The following NAP1L1 variants were observed in gnomAD, a reference collection of about 807,000 sequenced individuals.
NAP1L1 encodes the protein nucleosome assembly protein 1-like 1.
Under a neutral mutation model 58.9 loss-of-function variants are expected in NAP1L1, and 9 were observed. The observed-to-expected ratio is 0.15, with a 90% confidence interval of 0.09 to 0.27. The LOEUF (loss-of-function observed/expected upper bound fraction) is 0.27. Ranked by LOEUF, NAP1L1 falls within the 10% of genes least tolerant of loss-of-function variation. NAP1L1 has a pLI of 1.00. For missense variants in NAP1L1, 302 were observed against 458.8 expected (o/e 0.66, Z 3.12); for synonymous variants, 130 against 138.3 (o/e 0.94, Z 0.42).
At chr12:76,079,268 A>G (rs1043647077) in intron 1 of NAP1L1, among the ~76,000 whole-genome samples, 2 of 152,144 alleles carry the variant, frequency 1.3e-5, no homozygotes, top group Non-Finnish European at 2.9e-5. Context: ...GCTCACGTCT[A>G]TAGTCTCAGC....
At chr12:76,072,745 A>G (rs1950014414) in intron 2 of NAP1L1, among the ~76,000 whole-genome samples, 1 of 152,206 alleles carries the variant, frequency 6.6e-6, no homozygotes. Context: ...CAACACAGCA[A>G]CACTGGAAGC....
chr12:76,084,379 C>T lies in NAP1L1; in HGVS notation c.-21+188G>A, dbSNP rs571988808. Among the ~76,000 whole-genome samples the T allele has an allele frequency of 1.4e-4, 21 of 152,230 alleles. No homozygotes were observed. The South Asian group carries it at 3.1e-3, about 23-fold the overall frequency. On this transcript the variant is annotated intron_variant, in intron 1 of 14. Coordinates refer to ENST00000618691, the MANE Select transcript of NAP1L1 (RefSeq NM_004537.7). ...TAAAAGCGCTGGTCGGCCCCGGGGC[C>T]CCTCTCAGGCTCCGGGGTCCGGACT...
At chr12:76,059,959 T>G in intron 5 of NAP1L1, 81 bp from the exon 6 acceptor site, 1 of 1,292,108 alleles carries the variant, frequency 7.7e-7, no homozygotes, top group Middle Eastern at 2.4e-4. Context: ...TAAGAAGTCT[T>G]ACAAATTTAA....
intron 4 of NAP1L1, among the ~76,000 whole-genome samples, chr12:76,063,519 C>T (rs1041275529): frequency 7.9e-5 from 12 of 152,150 alleles, no homozygotes; most frequent in African/African-American, 2.9e-4. Flanking sequence ...ACATTGAGGC[C>T]GAGTGTGGTG....
chr12:76,056,775 A>G, intron 6 of NAP1L1: 1 of 380,934 alleles, frequency 2.6e-6, no homozygotes, highest in Non-Finnish European at 5.2e-6. Context: ...CACTTTGGGA[A>G]GTGAGGTGGG....
chr12:76,057,436 G>C (rs1406760598), intron 6 of NAP1L1: 4 of 578,512 alleles, frequency 6.9e-6, no homozygotes, highest in Non-Finnish European at 1.2e-5. Context: ...TGATGCTCTA[G>C]GGAGGCCCTG....
intron 2 of NAP1L1, chr12:76,073,873 T>A (rs2137083124): frequency 4.5e-6 from 1 of 223,488 alleles, no homozygotes; most frequent in African/African-American, 2.3e-5. Context: ...TTTGGTACAT[T>A]ACAATGCAAG....
intron 1 of NAP1L1, among the ~76,000 whole-genome samples, chr12:76,079,930 G>A (rs1013466590): frequency 6.6e-6 from 1 of 152,130 alleles, no homozygotes; most frequent in Non-Finnish European, 1.5e-5. Flanking sequence ...CTGGGCTCCC[G>A]CCTTGGCCTC....
Position 76,053,188 on chromosome 12 carries a change from G to A in NAP1L1, c.916+17C>T, listed in dbSNP as rs200780221. The A allele has an allele frequency of 2.5e-4, 399 of 1,613,002 alleles. 2 individuals carry two copies. The highest frequency in any genetic ancestry group is 1.7e-3 in the Admixed American group (100 of 59,876). On this transcript the variant is annotated intron_variant, in intron 10 of 14. Transcript: ENST00000618691. Reference sequence around the variant, plus strand: ...TTATAAAACAACCGTTAATACTCAAGCTAAAACATTATTTACCTTCAGGAG... The same window carrying A: ...TTATAAAACAACCGTTAATACTCAAACTAAAACATTATTTACCTTCAGGAG...
In NAP1L1 at chr12:76,049,387, T is replaced by C. The variant is rs1033181429; in HGVS notation, c.1090-137A>G. The C allele has an allele frequency of 5.8e-6, 9 of 1,545,856 alleles. No homozygotes were observed. In the South Asian group the frequency reaches 9.4e-5, roughly 16 times the overall value. ...ATTACAGACTTTGATGATAATACAA[T>C]TTAATTTGAAAGCTTCTAATATGAA... On this transcript the variant is annotated intron_variant, in intron 13 of 14. Transcript: ENST00000618691.
At position 76,068,963 on chromosome 12, in the gene NAP1L1, C is replaced by G. The variant is rs1235021865; in HGVS notation, c.49G>C (p.Asp17His). Residue 17 changes from aspartate to histidine, a missense_variant, in exon 3 of 15, where the codon GAT (aspartate) becomes CAT (histidine). Asp to His is a moderately conservative substitution (Grantham distance 81). Coordinates refer to ENST00000618691, the MANE Select transcript of NAP1L1 (RefSeq NM_004537.7). The stretch of plus-strand genomic sequence containing the variant: ...TCTTCTTCTACTTCTTCAACATCAT[C>G]CAAATCTTGATCAAGTTCAGACTGT... ...KEQSELDQDL[D>H]DVEEVEEEET... is the part of the protein sequence containing the mutation. The G allele has an allele frequency of 6.2e-7, 1 of 1,613,074 alleles. No individual in the cohort carries two copies. The highest frequency in any genetic ancestry group is 1.3e-5 in the African/African-American group (1 of 74,848).
At chr12:76,084,368 G>C (rs924173372) in intron 1 of NAP1L1, among the ~76,000 whole-genome samples, 199 bp downstream of exon 1, 1 of 152,122 alleles carries the variant, frequency 6.6e-6, no homozygotes, top group Non-Finnish European at 1.5e-5. Context: ...AGCGCTGGTC[G>C]GCCCCGGGGC....
Position 76,047,370 on chromosome 12 carries a change from A to AT in NAP1L1, c.*1058_*1059insA, listed in dbSNP as rs1948631059. On this transcript the variant is annotated 3_prime_UTR_variant, in exon 15 of 15. Transcript: ENST00000618691. ...CTCTAGCTCTAACCCAAAGAAAATG[A>AT]ATTTTTTTTTTTTTTTTTAAAAGAA... The AT allele has an allele frequency of 5.8e-5, 3 of 51,418 alleles. No individual in the cohort carries two copies. The highest frequency in any genetic ancestry group is 1.2e-4 in the Non-Finnish European group (3 of 25,728). The allele number at this position is 51,418 out of a possible 1,614,324, so 3.2% of individuals were successfully genotyped here. A position where few individuals can be genotyped will look rare whatever the true frequency, so the allele number is the denominator to read the frequency against.
chr12:76,048,967 C>CACTGTTCA, intron 14 of NAP1L1: 1 of 540,422 alleles, frequency 1.9e-6, no homozygotes. Context: ...GTTCACTGTA[C>CACTGTTCA]CTGAAACTAT....
chr12:76,061,663 A>G (rs1949423545), intron 4 of NAP1L1, among the ~76,000 whole-genome samples: 1 of 152,232 alleles, frequency 6.6e-6, no homozygotes, highest in Non-Finnish European at 1.5e-5. Flanking sequence ...TAAAATTTAA[A>G]TAACTTCAGG....
chr12:76,056,390 C>A, intron 6 of NAP1L1: 2 of 438,392 alleles, frequency 4.6e-6, no homozygotes, highest in Non-Finnish European at 4.1e-6. Flanking sequence ...TAGGAAAAAC[C>A]ATTTTAGTAA....
At chr12:76,057,549 C>T (rs1423796288) in intron 6 of NAP1L1, 11 of 818,526 alleles carry the variant, frequency 1.3e-5, no homozygotes, top group South Asian at 7.1e-5. Context: ...TGGCTGCTGA[C>T]GTTTCCGATT....
chr12:76,058,191 C>CTTCATATATATATATATATATATATA lies in NAP1L1; in HGVS notation c.429+1606_429+1607insTATATATATATATATATATATATGAA, dbSNP rs1243475241. 1.8e-4 allele frequency: 57 copies of CTTCATATATATATATATATATATATA among 315,404 alleles called. 4 individuals carry two copies. In the African/African-American group the frequency reaches 2.4e-3, roughly 13 times the overall value. 19.5% of individuals were successfully genotyped at this position (315,404 alleles called of 1,614,324 possible). On this transcript the variant is annotated intron_variant, in intron 6 of 14. Transcript: ENST00000618691. Reference sequence around the variant, plus strand: ...TAGATATGGCCAAAGGGAGAGAGGCCTACATATATATATATATATATATAT... The same window carrying CTTCATATATATATATATATATATATA: ...TAGATATGGCCAAAGGGAGAGAGGCCTTCATATATATATATATATATATATATACATATATATATATATATATATAT...
In NAP1L1 at chr12:76,037,350, G is replaced by A. The variant is rs1459940060; in HGVS notation, c.*11079C>T. On this transcript the variant is annotated 3_prime_UTR_variant, in exon 15 of 15. Transcript: ENST00000618691. ...GCAAGTGCTTTATAATGAGTGCTTA[G>A]CGCTTTTTTTTAACTGTAGTACAAA... 1 of 152,240 alleles carries A rather than the reference G, an allele frequency of 6.6e-6. No homozygotes were observed. Among genetic ancestry groups the A allele is most frequent in the East Asian group, 1.9e-4 (1 of 5,182 alleles). The allele number at this position is 152,240 out of a possible 1,614,324, so 9.4% of individuals were successfully genotyped here. A position where few individuals can be genotyped will look rare whatever the true frequency, so the allele number is the denominator to read the frequency against.
Sources: gnomAD v4.1 joint callset for allele counts (sites outside exome capture counted in the v4.1 genomes callset) on GRCh38, gnomAD v4.1.1 for gene constraint, MANE v1.5 for transcripts, NCBI Gene and HGNC (gene_info 2026-07-23, HGNC 2026-07-21) for gene names.